Variants in PRMT3 observed in about 807,000 individuals in gnomAD.
The protein encoded by PRMT3 is protein arginine N-methyltransferase 3.
Under a neutral mutation model 71.9 loss-of-function variants are expected in PRMT3, and 62 were observed. That is an observed-to-expected ratio of 0.86 (90% CI 0.70 to 1.07). The LOEUF (loss-of-function observed/expected upper bound fraction) is 1.07, where lower values mean the gene tolerates loss of function less well. PRMT3 is among the 50% of genes least tolerant of loss of function. The pLI, the probability that PRMT3 is intolerant of heterozygous loss-of-function variation, is 0.00. For missense variants in PRMT3, 663 were observed against 643.0 expected (o/e 1.03, Z -0.34); for synonymous variants, 213 against 220.4 (o/e 0.97, Z 0.30).
At chr11:20,472,970 C>T (rs1850686478) in intron 13 of PRMT3, among the ~76,000 whole-genome samples, 1 of 152,030 alleles carries the variant, frequency 6.6e-6, no homozygotes, top group South Asian at 2.1e-4. Context: ...CTGGCTCAGT[C>T]TTGGGAGGGT....
At chr11:20,497,419 AAG>A (rs1590112329) in intron 15 of PRMT3, among the ~76,000 whole-genome samples, 4 of 152,306 alleles carry the variant, frequency 2.6e-5, no homozygotes, top group Non-Finnish European at 4.4e-5. Context: ...AGAATCCCCT[AAG>A]AGAGTACAAG....
chr11:20,400,345 T>C (rs1334400124), intron 7 of PRMT3, among the ~76,000 whole-genome samples: 2 of 152,202 alleles, frequency 1.3e-5, no homozygotes, highest in East Asian at 3.8e-4. Flanking sequence ...GTGATCTTAT[T>C]TCTTTAGATA....
At chr11:20,493,315 CAG>C (rs1851254652) in intron 13 of PRMT3, among the ~76,000 whole-genome samples, 1 of 151,924 alleles carries the variant, frequency 6.6e-6, no homozygotes, top group South Asian at 2.1e-4. Context: ...TACTTAAAAA[CAG>C]ATATACTGGA....
At chr11:20,421,136 C>A (rs1284805046) in intron 9 of PRMT3, among the ~76,000 whole-genome samples, 1 of 152,074 alleles carries the variant, frequency 6.6e-6, no homozygotes, top group Non-Finnish European at 1.5e-5. Context: ...CCTCCCAGGC[C>A]CAAGTGATCC....
In PRMT3 at chr11:20,426,872, G is replaced by A; in HGVS notation, c.993+7G>A. On this transcript the variant is annotated splice_region_variant and intron_variant, in intron 10 of 15. Transcript: ENST00000331079. ...TATCATATCTGAGTGGATGGTGAGTGTTTATAGAAAAAACTACTTTCACTG... is the reference window on the plus strand; with the variant it reads ...TATCATATCTGAGTGGATGGTGAGTATTTATAGAAAAAACTACTTTCACTG... 6.6e-7 allele frequency: 1 copy of A among 1,519,532 alleles called. No homozygotes were observed. Among genetic ancestry groups the A allele is most frequent in the South Asian group, 1.4e-5 (1 of 74,060 alleles). The allele number at this position is 1,519,532 out of a possible 1,614,324, so 94.1% of individuals were successfully genotyped here.
At chr11:20,392,869 A>G in intron 4 of PRMT3, 28 bp from the exon 5 acceptor site, 1 of 1,409,252 alleles carries the variant, frequency 7.1e-7, no homozygotes, top group East Asian at 2.3e-5. Context: ...ATGTAATGAA[A>G]AAAACATGAG....
Position 20,450,651 on chromosome 11 carries a change from TG to T in PRMT3, c.994-1473del, listed in dbSNP as rs573223050. ...TTTTTGTATCAATGAATCAGTGAGCTGGGGGGAATAGGTCAATACCGACGTA... is the reference window on the plus strand; with the variant it reads ...TTTTTGTATCAATGAATCAGTGAGCTGGGGGAATAGGTCAATACCGACGTA... On this transcript the variant is annotated intron_variant, in intron 10 of 15. Transcript: ENST00000331079. Among the ~76,000 whole-genome samples, 91 of 152,250 alleles carry T rather than the reference TG, an allele frequency of 6.0e-4. No individual in the cohort carries two copies. In the East Asian group the frequency reaches 0.017, roughly 29 times the overall value.
chr11:20,420,663 T>A (rs1849405924), intron 9 of PRMT3, among the ~76,000 whole-genome samples: 1 of 152,158 alleles, frequency 6.6e-6, no homozygotes, highest in Admixed American at 6.5e-5. Context: ...CACCCCCAGG[T>A]CCATGGAAAG....
chr11:20,470,482 G>A (rs1479583549), intron 13 of PRMT3, among the ~76,000 whole-genome samples: 1 of 152,106 alleles, frequency 6.6e-6, no homozygotes, highest in African/African-American at 2.4e-5. Flanking sequence ...GAGAACATGT[G>A]GTGTTTGATT....
At chr11:20,462,249 T>C in intron 12 of PRMT3, 82 bp downstream of exon 12, 1 of 1,122,942 alleles carries the variant, frequency 8.9e-7, no homozygotes. Context: ...ATATTGATTT[T>C]ATATATGGGC....
chr11:20,468,360 TTTTG>T lies in PRMT3; in HGVS notation c.1347+3834_1347+3837del, dbSNP rs368648367. Among the ~76,000 whole-genome samples the T allele has an allele frequency of 8.1e-3, 1,231 of 152,152 alleles. 18 individuals are homozygous for T. Among genetic ancestry groups the T allele is most frequent in the African/African-American group, 0.025 (1,053 of 41,510 alleles). On this transcript the variant is annotated intron_variant, in intron 13 of 15. Transcript: ENST00000331079. ...TGATATATGTATAACGTGGTTTTTG[TTTTG>T]TTTGTTTGTTTGTTTGTTTTGAGAC...
chr11:20,496,440 G>A (rs1851334114), intron 15 of PRMT3, among the ~76,000 whole-genome samples: 2 of 151,966 alleles, frequency 1.3e-5, no homozygotes, highest in African/African-American at 4.8e-5. Context: ...TGTAAGGGAG[G>A]CAACATTGAG....
intron 13 of PRMT3, among the ~76,000 whole-genome samples, chr11:20,469,304 G>A (rs753915130): frequency 6.6e-5 from 10 of 152,090 alleles, no homozygotes; most frequent in Non-Finnish European, 1.2e-4. Flanking sequence ...GTGAGTTCTC[G>A]TTTATTTGTA....
At chr11:20,457,418 A>G (rs1350002313) in intron 11 of PRMT3, among the ~76,000 whole-genome samples, 2 of 152,174 alleles carry the variant, frequency 1.3e-5, no homozygotes, top group African/African-American at 4.8e-5. Context: ...GTGTCAGCTG[A>G]CTAGTTATCT....
chr11:20,502,423 T>C (rs530416288), intron 15 of PRMT3, among the ~76,000 whole-genome samples: 7 of 152,212 alleles, frequency 4.6e-5, no homozygotes, highest in Non-Finnish European at 1.0e-4. Flanking sequence ...ATGGAAAAGA[T>C]TTACCTGTAT....
chr11:20,452,295 C>A, intron 11 of PRMT3, 87 bp downstream of exon 11: 1 of 1,028,822 alleles, frequency 9.7e-7, no homozygotes, highest in Non-Finnish European at 1.5e-6. Flanking sequence ...CTATGCATGG[C>A]TGAGGAAGTT....
intron 15 of PRMT3, among the ~76,000 whole-genome samples, chr11:20,506,033 A>G (rs1851583190): frequency 6.6e-6 from 1 of 152,168 alleles, no homozygotes; most frequent in African/African-American, 2.4e-5. Context: ...TGAAAATCCT[A>G]GTTCTTTCAC....
At chr11:20,504,307 T>C (rs921746605) in intron 15 of PRMT3, among the ~76,000 whole-genome samples, 1 of 152,220 alleles carries the variant, frequency 6.6e-6, no homozygotes, top group Non-Finnish European at 1.5e-5. Flanking sequence ...ATTGACCATA[T>C]GCATATAGAT....
chr11:20,413,720 C>G (rs1849243138), intron 9 of PRMT3, among the ~76,000 whole-genome samples: 1 of 152,118 alleles, frequency 6.6e-6, no homozygotes, highest in Non-Finnish European at 1.5e-5. Context: ...TTCACAATCT[C>G]TATTCTCTTA....
Sources: allele counts gnomAD v4.1 joint callset (sites outside exome capture counted in the v4.1 genomes callset), GRCh38; gene constraint gnomAD v4.1.1; transcripts MANE v1.5; gene names NCBI Gene and HGNC (gene_info 2026-07-23, HGNC 2026-07-21).